CDYL2: variants seen among roughly 807,000 people sequenced by gnomAD.
CDYL2 encodes chromodomain Y-like protein 2.
In CDYL2, 23 loss-of-function variants were observed where a neutral mutation model predicts 49.4. The ratio of observed to expected loss-of-function variants is 0.47; its 90% confidence interval spans 0.34 to 0.66. CDYL2 has a LOEUF of 0.66. CDYL2 is among the 30% of genes least tolerant of loss of function. The pLI is 0.01. For synonymous variants in CDYL2, 360 were observed against 268.8 expected (o/e 1.34, Z -3.32); for missense variants, 678 against 656.4 (o/e 1.03, Z -0.36).
intron 4 of CDYL2, 105 bp downstream of exon 4, chr16:80,620,658 T>A: frequency 9.0e-7 from 1 of 1,105,824 alleles, no homozygotes; most frequent in Non-Finnish European, 1.2e-6. Flanking sequence ...ATGCTAAAAA[T>A]AAAATTCCTG....
chr16:80,633,286 T>C lies in CDYL2; in HGVS notation c.617-50A>G, dbSNP rs1435112985. Reference sequence around the variant, plus strand: ...AAGAAACTGAAATGGACCACGATCCTAGAAGGATGTGATCAGAGGACGTTG... The same window carrying C: ...AAGAAACTGAAATGGACCACGATCCCAGAAGGATGTGATCAGAGGACGTTG... On this transcript the variant is annotated intron_variant, in intron 2 of 6. Coordinates refer to ENST00000570137, the MANE Select transcript of CDYL2 (RefSeq NM_152342.4). 1.0e-5 allele frequency: 16 copies of C among 1,561,898 alleles called. No individual in the cohort carries two copies. In the African/African-American group the frequency reaches 1.4e-4, roughly 13 times the overall value.
intron 1 of CDYL2, among the ~76,000 whole-genome samples, chr16:80,783,773 T>C (rs1907346188): frequency 6.6e-6 from 1 of 152,166 alleles, no homozygotes; most frequent in Non-Finnish European, 1.5e-5. Flanking sequence ...CACAGAAACA[T>C]TAGGCTGAGT....
At chr16:80,677,609 G>A (rs1197261040) in intron 2 of CDYL2, among the ~76,000 whole-genome samples, 1 of 151,994 alleles carries the variant, frequency 6.6e-6, no homozygotes, top group Non-Finnish European at 1.5e-5. Context: ...CATGGTGGCA[G>A]GCGCCTGTAG....
chr16:80,635,605 G>A (rs573502371), intron 2 of CDYL2, among the ~76,000 whole-genome samples: 17 of 152,290 alleles, frequency 1.1e-4, no homozygotes, highest in South Asian at 6.2e-4. Flanking sequence ...TCATGGAAAG[G>A]AAGAATCAAT....
intron 1 of CDYL2, among the ~76,000 whole-genome samples, chr16:80,759,149 A>AT (rs1491546754): frequency 0.034 from 3,882 of 113,524 alleles, 116 homozygotes; most frequent in Admixed American, 0.048. Context: ...TGGTTTATAT[A>AT]AATATATGGT....
chr16:80,698,488 T>A (rs1044337059), intron 1 of CDYL2, among the ~76,000 whole-genome samples: 32 of 152,084 alleles, frequency 2.1e-4, no homozygotes, highest in African/African-American at 6.3e-4. Context: ...AAATGGCCAA[T>A]AAGCATATGT....
chr16:80,747,754 T>C (rs576369266), intron 1 of CDYL2, among the ~76,000 whole-genome samples: 4 of 152,266 alleles, frequency 2.6e-5, no homozygotes, highest in Admixed American at 6.5e-5. Flanking sequence ...AGTGCCCTAG[T>C]TTCTTTGCCT....
chr16:80,697,845 G>A (rs1904282124), intron 1 of CDYL2, among the ~76,000 whole-genome samples: 1 of 151,948 alleles, frequency 6.6e-6, no homozygotes, highest in Non-Finnish European at 1.5e-5. Flanking sequence ...TAACCAAGGA[G>A]ATGAAAGATC....
intron 2 of CDYL2, 100 bp downstream of exon 2, chr16:80,684,438 G>T (rs2142474795): frequency 9.2e-7 from 1 of 1,092,272 alleles, no homozygotes; most frequent in East Asian, 2.4e-5. Context: ...CTAAGAGACG[G>T]GGATGGAGGT....
rs147622333 is a variant in CDYL2 at position 80,680,613 on chromosome 16, A to T, written c.616+3925T>A. 4.0e-3 allele frequency among the ~76,000 whole-genome samples: 614 copies of T among 152,320 alleles called. 5 individuals carry two copies. Among genetic ancestry groups the T allele is most frequent in the African/African-American group, 0.014 (583 of 41,566 alleles). Reference sequence around the variant, plus strand: ...ATGAAACTCGCGTAGTTTTAGAAAAAAGAGAGAGATGCCTAGTAGAAACTG... The same window carrying T: ...ATGAAACTCGCGTAGTTTTAGAAAATAGAGAGAGATGCCTAGTAGAAACTG... On this transcript the variant is annotated intron_variant, in intron 2 of 6. Coordinates refer to ENST00000570137, the MANE Select transcript of CDYL2 (RefSeq NM_152342.4).
chr16:80,727,381 T>C (rs1905197774), intron 1 of CDYL2, among the ~76,000 whole-genome samples: 2 of 152,184 alleles, frequency 1.3e-5, no homozygotes, highest in South Asian at 4.1e-4. Context: ...AATACTGCGC[T>C]TTTCCGAGGG....
At chr16:80,782,210 A>C (rs1907292004) in intron 1 of CDYL2, among the ~76,000 whole-genome samples, 1 of 151,980 alleles carries the variant, frequency 6.6e-6, no homozygotes, top group African/African-American at 2.4e-5. Context: ...GAATTATTTT[A>C]AAATGCTATA....
intron 1 of CDYL2, among the ~76,000 whole-genome samples, chr16:80,741,407 A>G (rs1415551757): frequency 1.3e-5 from 2 of 152,000 alleles, no homozygotes; most frequent in African/African-American, 4.8e-5. Flanking sequence ...GGCTTACAGA[A>G]AAACATAAAA....
intron 1 of CDYL2, among the ~76,000 whole-genome samples, chr16:80,724,155 A>G (rs1359276259): frequency 6.7e-6 from 1 of 150,010 alleles, no homozygotes; most frequent in Non-Finnish European, 1.5e-5. Context: ...GAAGAGAAAG[A>G]AGAAGAGGAG....
intron 1 of CDYL2, among the ~76,000 whole-genome samples, chr16:80,724,078 G>A (rs567250142): frequency 3.4e-5 from 5 of 146,886 alleles, no homozygotes; most frequent in South Asian, 4.4e-4. Context: ...AGGAAGAGGA[G>A]GAAAAGAGGA....
chr16:80,697,854 T>G (rs1286952379), intron 1 of CDYL2, among the ~76,000 whole-genome samples: 1 of 142,900 alleles, frequency 7.0e-6, no homozygotes, highest in Non-Finnish European at 1.5e-5. Context: ...AGATGAAAGA[T>G]CTCTACAATG....
At chr16:80,667,203 T>A (rs1391409226) in intron 2 of CDYL2, among the ~76,000 whole-genome samples, 1 of 152,136 alleles carries the variant, frequency 6.6e-6, no homozygotes, top group Non-Finnish European at 1.5e-5. Flanking sequence ...GAGTCACACA[T>A]GCAGAACACA....
intron 2 of CDYL2, among the ~76,000 whole-genome samples, chr16:80,668,182 G>A (rs779380529): frequency 6.6e-6 from 1 of 152,208 alleles, no homozygotes; most frequent in African/African-American, 2.4e-5. Flanking sequence ...AAAACAGGGA[G>A]GCCGTTCCAC....
intron 1 of CDYL2, among the ~76,000 whole-genome samples, chr16:80,748,122 A>AAT (rs1215575610): frequency 7.4e-6 from 1 of 136,018 alleles, no homozygotes; most frequent in Admixed American, 7.6e-5. Flanking sequence ...TGGGAAGATT[A>AAT]AATAATAATA....
Sources: gnomAD v4.1 joint callset for allele counts (sites outside exome capture counted in the v4.1 genomes callset) on GRCh38, gnomAD v4.1.1 for gene constraint, MANE v1.5 for transcripts, NCBI Gene and HGNC (gene_info 2026-07-23, HGNC 2026-07-21) for gene names.